The following TBL1XR1 variants were observed in gnomAD, a reference collection of about 807,000 sequenced individuals.
TBL1XR1 encodes the protein TBL1X/Y related 1.
A neutral mutation model predicts 66.9 loss-of-function variants in TBL1XR1; 5 were observed. The ratio of observed to expected loss-of-function variants is 0.07; its 90% CI spans 0.04 to 0.16. The LOEUF is 0.16. Among genes scored for constraint, TBL1XR1 ranks in the 10% least tolerant of loss-of-function variants. TBL1XR1 has a pLI of 1.00. For synonymous variants in TBL1XR1, 210 were observed against 206.0 expected, an observed-to-expected ratio of 1.02 and a Z score of -0.17; for missense variants, 238 against 623.2, an observed-to-expected ratio of 0.38 and a Z score of 6.58.
intron 1 of TBL1XR1, among the ~76,000 whole-genome samples, chr3:177,108,001 CTCTT>C (rs942462957): frequency 8.7e-5 from 13 of 149,360 alleles, no homozygotes; most frequent in South Asian, 2.1e-4. Flanking sequence ...ATGGGCATTA[CTCTT>C]TCTAATAAAA....
chr3:177,157,860 T>C (rs1423983355), intron 1 of TBL1XR1, among the ~76,000 whole-genome samples: 1 of 152,238 alleles, frequency 6.6e-6, no homozygotes, highest in East Asian at 1.9e-4. Context: ...TAAATTGTGG[T>C]AGTTGCACAG....
intron 2 of TBL1XR1, among the ~76,000 whole-genome samples, chr3:177,083,728 A>G (rs1289841497): frequency 6.6e-6 from 1 of 152,160 alleles, no homozygotes; most frequent in African/African-American, 2.4e-5. Flanking sequence ...TCATCAGTAT[A>G]CTTCTGTAAA....
chr3:177,067,396 G>A (rs1453277104), intron 2 of TBL1XR1, among the ~76,000 whole-genome samples: 2 of 152,152 alleles, frequency 1.3e-5, no homozygotes, highest in Non-Finnish European at 2.9e-5. Flanking sequence ...TTGGATGAAA[G>A]TATCCAACCT....
upstream of TBL1XR1, among the ~76,000 whole-genome samples, chr3:177,198,979 G>A (rs933978021): frequency 1.3e-5 from 2 of 151,876 alleles, no homozygotes; most frequent in African/African-American, 4.8e-5. Context: ...TGCTTTCTTG[G>A]CCAAGGTCAA....
chr3:177,142,019 T>A (rs993116541), intron 1 of TBL1XR1, among the ~76,000 whole-genome samples: 18 of 151,916 alleles, frequency 1.2e-4, no homozygotes, highest in African/African-American at 4.4e-4. Context: ...AGACAGAAAA[T>A]AAGAATAGTG....
In TBL1XR1 at chr3:177,115,557, C is replaced by T. The variant is rs79094658; in HGVS notation, c.-121-17016G>A. Among the ~76,000 whole-genome samples the T allele has an allele frequency of 1.1e-3, 161 of 152,208 alleles. 3 individuals are homozygous for T. The East Asian group carries it at 0.031, about 29-fold the overall frequency. On this transcript the variant is annotated intron_variant, in intron 1 of 15. Transcript: ENST00000457928. ...AACCGCAAAATTTGGTCAATTCTTC[C>T]CCAAATCTCTCTATGCTGCCTACTG...
rs1019538622 is a variant in TBL1XR1, at chr3:177,197,390, G to C, written c.-391C>G. 3 of 146,162 alleles carry C rather than the reference G, an allele frequency of 2.1e-5. No homozygotes were observed. The highest frequency in any genetic ancestry group is 7.4e-5 in the African/African-American group (3 of 40,336). 9.1% of individuals were successfully genotyped at this position (146,162 alleles called of 1,614,324 possible). On this transcript the variant is annotated 5_prime_UTR_variant, in exon 1 of 16. Coordinates refer to ENST00000457928, the MANE Select transcript of TBL1XR1 (RefSeq NM_024665.7). The stretch of plus-strand genomic sequence containing the variant: ...GCGGGGGCGCACGCGGCCGGCGGCG[G>C]GGGGAGGCGGCGCGCGGGGGAAGGG...
intron 1 of TBL1XR1, among the ~76,000 whole-genome samples, chr3:177,104,613 G>A (rs1318007864): frequency 6.6e-6 from 1 of 152,158 alleles, no homozygotes; most frequent in African/African-American, 2.4e-5. Flanking sequence ...TACTGCCTAT[G>A]TTTTCATTTC....
At chr3:177,029,542 GC>G (rs1560094842) in intron 14 of TBL1XR1, among the ~76,000 whole-genome samples, 1 of 152,040 alleles carries the variant, frequency 6.6e-6, no homozygotes, top group African/African-American at 2.4e-5. Flanking sequence ...GATTAGCTAA[GC>G]CCAGGAAGGC....
rs141248893 is a variant in TBL1XR1 at position 177,023,080 on chromosome 3, C to T, written c.*2418G>A. On this transcript the variant is annotated 3_prime_UTR_variant, in exon 16 of 16. Coordinates refer to ENST00000457928, the MANE Select transcript of TBL1XR1 (RefSeq NM_024665.7). ...ATAAAAATGTAGCTGTCTATTTTGG[C>T]AGCTATATTGCAGAATTTCTTGACT... 1 of 152,096 alleles carries T rather than the reference C, an allele frequency of 6.6e-6. No individual in the cohort carries two copies. Among genetic ancestry groups the T allele is most frequent in the African/African-American group, 2.4e-5 (1 of 41,424 alleles). The allele number at this position is 152,096 out of a possible 1,614,324, so 9.4% of individuals were successfully genotyped here.
In TBL1XR1 at chr3:177,024,259, G is replaced by GC. The variant is rs1297609623; in HGVS notation, c.*1238dup. The GC allele has an allele frequency of 1.3e-5, 2 of 152,478 alleles. No individual in the cohort carries two copies. The highest frequency in any genetic ancestry group is 4.8e-5 in the African/African-American group (2 of 41,434). 9.4% of individuals were successfully genotyped at this position (152,478 alleles called of 1,614,324 possible). ...CACTGCTATTTAAAAACACCTTGAAGCAAGTCTTTTGTTTGAGATTGTTTT... is the reference window on the plus strand; with the variant it reads ...CACTGCTATTTAAAAACACCTTGAAGCCAAGTCTTTTGTTTGAGATTGTTTT... On this transcript the variant is annotated 3_prime_UTR_variant, in exon 16 of 16. Transcript: ENST00000457928.
intron 2 of TBL1XR1, among the ~76,000 whole-genome samples, chr3:177,073,064 C>CA (rs1438136224): frequency 1.3e-5 from 2 of 150,664 alleles, no homozygotes; most frequent in South Asian, 2.1e-4. Flanking sequence ...AGTTTGATTT[C>CA]AAAAAAAGAA....
chr3:177,080,203 A>G (rs1230275055), intron 2 of TBL1XR1, among the ~76,000 whole-genome samples: 1 of 152,258 alleles, frequency 6.6e-6, no homozygotes, highest in African/African-American at 2.4e-5. Flanking sequence ...CTAACTTTTA[A>G]CTGCTAGAAA....
intron 1 of TBL1XR1, among the ~76,000 whole-genome samples, chr3:177,113,598 A>G (rs2108732861): frequency 6.6e-6 from 1 of 152,348 alleles, no homozygotes; most frequent in Admixed American, 6.5e-5. Context: ...TAGAAGGTGA[A>G]GGCTGGAGAA....
intron 2 of TBL1XR1, among the ~76,000 whole-genome samples, chr3:177,067,539 T>C (rs551970551): frequency 1.3e-5 from 2 of 152,332 alleles, no homozygotes; most frequent in South Asian, 2.1e-4. Context: ...CAAAATGATA[T>C]AAATTATTGC....
chr3:177,154,778 AAC>A (rs1477014415), intron 1 of TBL1XR1, among the ~76,000 whole-genome samples: 7 of 152,242 alleles, frequency 4.6e-5, no homozygotes, highest in African/African-American at 1.4e-4. Flanking sequence ...AAAAATTAAT[AAC>A]ACAGAAGATC....
At chr3:177,049,867 T>A in intron 7 of TBL1XR1, 130 bp downstream of exon 7, 2 of 1,010,860 alleles carry the variant, frequency 2.0e-6, no homozygotes, top group Non-Finnish European at 2.8e-6. Flanking sequence ...AGGGGACGAC[T>A]CCCGGTTTGT....
At chr3:177,037,399 A>G (rs73881946) in intron 12 of TBL1XR1, 15,596 of 152,124 alleles carry the variant, frequency 0.1, 904 homozygotes, top group African/African-American at 0.12. Context: ...CAGGGTACAG[A>G]TATTTGGTGA....
chr3:177,035,438 G>A (rs7631433), intron 12 of TBL1XR1, among the ~76,000 whole-genome samples: 1 of 142,936 alleles, frequency 7.0e-6, no homozygotes, highest in African/African-American at 2.6e-5. Flanking sequence ...TTTTGGAGAT[G>A]AAGTCTCACT....
Sources: allele counts gnomAD v4.1 joint callset (sites outside exome capture counted in the v4.1 genomes callset), GRCh38; gene constraint gnomAD v4.1.1; transcripts MANE v1.5; gene names NCBI Gene and HGNC (gene_info 2026-07-23, HGNC 2026-07-21).